Variants in SHISA6 observed in about 807,000 individuals in gnomAD.
The protein encoded by SHISA6 is shisa family member 6.
In SHISA6, 22 loss-of-function variants were observed where a neutral mutation model predicts 47.9. That is an observed-to-expected ratio of 0.46 (90% confidence interval 0.33 to 0.66). The LOEUF (loss-of-function observed/expected upper bound fraction) is 0.66. SHISA6 is among the 30% of genes least tolerant of loss of function. The pLI, the probability that SHISA6 is intolerant of heterozygous loss-of-function variation, is 0.02. For synonymous variants in SHISA6, 388 were observed against 337.8 expected, an observed-to-expected ratio of 1.15 and a Z score of -1.63; for missense variants, 680 against 764.6, an observed-to-expected ratio of 0.89 and a Z score of 1.30.
chr17:11,333,219 C>A (rs1911192714), intron 2 of SHISA6, among the ~76,000 whole-genome samples: 1 of 152,164 alleles, frequency 6.6e-6, no homozygotes, highest in African/African-American at 2.4e-5. Flanking sequence ...GGAGAGGGAA[C>A]CTGCCAGAGC....
intron 3 of SHISA6, among the ~76,000 whole-genome samples, chr17:11,440,171 C>T (rs954773757): frequency 1.3e-5 from 2 of 152,156 alleles, no homozygotes; most frequent in African/African-American, 4.8e-5. Context: ...GGACGCTGCC[C>T]TACAGGTATT....
At position 11,558,031 on chromosome 17, in the gene SHISA6, G is replaced by A. The variant is rs1236221763; in HGVS notation, c.1383G>A (p.Pro461=). 2.3e-5 allele frequency: 35 copies of A among 1,551,590 alleles called. No homozygotes were observed. Among genetic ancestry groups the A allele is most frequent in the Non-Finnish European group, 2.6e-5 (30 of 1,146,976 alleles). ...RLHSQDPLLS[P]ERTAFPEQSL... ...ACTCCCAGGACCCGCTGCTGTCCCC[G>A]GAGCGGACGGCCTTTCCCGAGCAGT... is the stretch of plus-strand genomic sequence containing the variant. Residue 461 remains proline, a synonymous_variant, in exon 6 of 6, where the codon CCG becomes CCA. Coordinates refer to ENST00000441885, the MANE Select transcript of SHISA6 (RefSeq NM_207386.4).
rs74547703 is a variant in SHISA6 at position 11,284,968 on chromosome 17, C to T, written c.799+21442C>T. On this transcript the variant is annotated intron_variant, in intron 2 of 5. Coordinates refer to ENST00000441885, the MANE Select transcript of SHISA6 (RefSeq NM_207386.4). ...CAATTCTTTGGTTTCTTAACTGAGCCCTCTCCAGCTGGCCCTGTGGCCTGC... is the reference window on the plus strand; with the variant it reads ...CAATTCTTTGGTTTCTTAACTGAGCTCTCTCCAGCTGGCCCTGTGGCCTGC... Among the ~76,000 whole-genome samples the T allele has an allele frequency of 6.8e-3, 1,029 of 152,314 alleles. 10 individuals carry two copies. The highest frequency in any genetic ancestry group is 0.024 in the African/African-American group (989 of 41,562).
chr17:11,255,149 G>A (rs984841942), intron 1 of SHISA6, among the ~76,000 whole-genome samples: 2 of 152,354 alleles, frequency 1.3e-5, no homozygotes, highest in Middle Eastern at 3.4e-3. Flanking sequence ...CTGGCACAGA[G>A]TAGGTGCTTA....
chr17:11,298,902 A>G (rs1909835175), intron 2 of SHISA6, among the ~76,000 whole-genome samples: 1 of 152,202 alleles, frequency 6.6e-6, no homozygotes, highest in South Asian at 2.1e-4. Flanking sequence ...CTGAGGGTGG[A>G]CTGATGTTAG....
chr17:11,332,612 G>A (rs1357457890), intron 2 of SHISA6, among the ~76,000 whole-genome samples: 1 of 152,116 alleles, frequency 6.6e-6, no homozygotes, highest in Non-Finnish European at 1.5e-5. Flanking sequence ...CCCTTTCGCA[G>A]GCTCAGGTTT....
At chr17:11,314,543 T>A (rs4791464) in intron 2 of SHISA6, among the ~76,000 whole-genome samples, 1 of 147,266 alleles carries the variant, frequency 6.8e-6, no homozygotes, top group Non-Finnish European at 1.5e-5. Flanking sequence ...TTTTGTTTTT[T>A]TTTTTTTTTG....
intron 3 of SHISA6, among the ~76,000 whole-genome samples, chr17:11,455,145 G>A (rs949277249): frequency 1.3e-5 from 2 of 152,038 alleles, no homozygotes; most frequent in African/African-American, 4.8e-5. Context: ...CTCCAGCCTG[G>A]GCGACAGAGC....
At chr17:11,256,717 C>T (rs1359665733) in intron 1 of SHISA6, among the ~76,000 whole-genome samples, 1 of 152,124 alleles carries the variant, frequency 6.6e-6, no homozygotes, top group African/African-American at 2.4e-5. Flanking sequence ...TCAGACAATC[C>T]AAGTATTTCT....
intron 3 of SHISA6, among the ~76,000 whole-genome samples, chr17:11,427,225 C>T (rs560312889): frequency 3.9e-5 from 6 of 152,168 alleles, no homozygotes; most frequent in South Asian, 2.1e-4. Flanking sequence ...CCTCTGCCTC[C>T]CAGGTTCAAG....
chr17:11,419,354 T>A (rs1180610719), intron 3 of SHISA6, among the ~76,000 whole-genome samples: 1 of 151,182 alleles, frequency 6.6e-6, no homozygotes, highest in African/African-American at 2.4e-5. Context: ...AAAAAAAAAA[T>A]GTGTGATTAA....
rs2072039449 is a variant in SHISA6, at chr17:11,561,162, T to C, written c.*2858T>C. Reference sequence around the variant, plus strand: ...GCTGGAACCTAGATGCCATGATTTCTAGCCCAACCAGGCTGGTGGCCTCTA... The same window carrying C: ...GCTGGAACCTAGATGCCATGATTTCCAGCCCAACCAGGCTGGTGGCCTCTA... On this transcript the variant is annotated 3_prime_UTR_variant, in exon 6 of 6. Transcript: ENST00000441885. 6.6e-6 allele frequency: 1 copy of C among 152,208 alleles called. No homozygotes were observed. The allele number at this position is 152,208 out of a possible 1,614,324, so 9.4% of individuals were successfully genotyped here.
In SHISA6 at chr17:11,287,844, A is replaced by C. The variant is rs577988589; in HGVS notation, c.799+24318A>C. On this transcript the variant is annotated intron_variant, in intron 2 of 5. Coordinates refer to ENST00000441885, the MANE Select transcript of SHISA6 (RefSeq NM_207386.4). ...TTTACATATTAACAAACATAAAAGA[A>C]CATAAAAAATAAACTATGCATGTAG... is the stretch of plus-strand genomic sequence containing the variant. Among the ~76,000 whole-genome samples the C allele has an allele frequency of 1.5e-3, 222 of 152,312 alleles. 1 individual carries two copies. Among genetic ancestry groups the C allele is most frequent in the Non-Finnish European group, 2.7e-3 (182 of 68,026 alleles).
intron 3 of SHISA6, among the ~76,000 whole-genome samples, chr17:11,415,372 C>A (rs34613483): frequency 0.19 from 28,766 of 152,152 alleles, 3,117 homozygotes; most frequent in South Asian, 0.36. Flanking sequence ...TTAGAACACA[C>A]CACATTCTAT....
chr17:11,521,855 T>C (rs2071632689), intron 3 of SHISA6, among the ~76,000 whole-genome samples: 1 of 152,188 alleles, frequency 6.6e-6, no homozygotes, highest in Non-Finnish European at 1.5e-5. Flanking sequence ...CAGCTTATCT[T>C]TTCTCTCTTT....
At chr17:11,440,923 A>T (rs372098809) in intron 3 of SHISA6, among the ~76,000 whole-genome samples, 1 of 152,162 alleles carries the variant, frequency 6.6e-6, no homozygotes, top group African/African-American at 2.4e-5. Flanking sequence ...TGGGACCAAG[A>T]GAAATGGCTG....
intron 3 of SHISA6, among the ~76,000 whole-genome samples, chr17:11,521,352 A>T (rs2071627719): frequency 6.6e-6 from 1 of 152,132 alleles, no homozygotes; most frequent in Non-Finnish European, 1.5e-5. Context: ...CCTTATTCTA[A>T]GTTTGGTCAA....
intron 5 of SHISA6, among the ~76,000 whole-genome samples, chr17:11,557,505 T>C (rs990575837): frequency 6.6e-6 from 1 of 152,182 alleles, no homozygotes; most frequent in Non-Finnish European, 1.5e-5. Flanking sequence ...AGATGCAAAC[T>C]CTTGGGCCCA....
intron 2 of SHISA6, among the ~76,000 whole-genome samples, chr17:11,379,125 C>T (rs1225401117): frequency 6.8e-6 from 1 of 146,160 alleles, no homozygotes; most frequent in Non-Finnish European, 1.5e-5. Context: ...TACTAATATA[C>T]TAGATATATA....
Sources: gnomAD v4.1 joint callset for allele counts (sites outside exome capture counted in the v4.1 genomes callset) on GRCh38, gnomAD v4.1.1 for gene constraint, MANE v1.5 for transcripts, NCBI Gene and HGNC (gene_info 2026-07-23, HGNC 2026-07-21) for gene names.